The following BTNL9 variants were observed in gnomAD, a reference collection of about 807,000 sequenced individuals.
BTNL9 encodes butyrophilin-like protein 9.
A neutral mutation model predicts 45.8 loss-of-function variants in BTNL9; 45 were observed. The ratio of observed to expected loss-of-function variants is 0.98; its 90% CI spans 0.77 to 1.26. BTNL9 has a LOEUF of 1.26. Among genes scored for constraint, BTNL9 ranks in the 50% most tolerant of loss-of-function variants. The probability of loss-of-function intolerance (pLI) is 0.00; values close to 1 mark genes in which losing one functional copy is unlikely to be tolerated. For missense variants in BTNL9, 784 were observed against 729.7 expected (o/e 1.07, Z -0.86); for synonymous variants, 346 against 330.8 (o/e 1.05, Z -0.50).
Position 181,055,258 on chromosome 5 carries a change from G to C in BTNL9, c.908-175G>C. ...TAGGATGAGGCATAAGAGTCCTGCA[G>C]ATGGGCCTCTTTTTGAGGGCAATGA... On this transcript the variant is annotated intron_variant, in intron 7 of 10. Transcript: ENST00000327705. The surrounding 1 kb of genome is among the most constrained non-coding windows in gnomAD (Gnocchi z 4.4). 6.8e-7 allele frequency: 1 copy of C among 1,480,318 alleles called. No homozygotes were observed. Among genetic ancestry groups the C allele is most frequent in the Non-Finnish European group, 8.9e-7 (1 of 1,120,142 alleles). 91.7% of individuals were successfully genotyped at this position (1,480,318 alleles called of 1,614,324 possible).
chr5:181,059,503 G>A lies in BTNL9; in HGVS notation c.1249G>A (p.Ala417Thr), dbSNP rs746436109. Residue 417 changes from alanine (A) to threonine (T), a missense_variant, in exon 11 of 11, where the codon GCC (alanine) becomes ACC (threonine). Ala to Thr is a moderately conservative substitution (Grantham distance 58). Transcript: ENST00000327705. ...RAGPARLSPA[A>T]GYWVLGLWNG... ...GGGGCCTGCGCGCCTGAGCCCTGCGGCCGGCTACTGGGTGCTGGGGCTGTG... is the reference window on the plus strand; with the variant it reads ...GGGGCCTGCGCGCCTGAGCCCTGCGACCGGCTACTGGGTGCTGGGGCTGTG... The A allele has an allele frequency of 1.0e-5, 16 of 1,577,970 alleles. No homozygotes were observed. The African/African-American group carries it at 1.2e-4, about 12-fold the overall frequency.
intron 10 of BTNL9, 129 bp from the exon 11 acceptor site, chr5:181,059,107 AG>A (rs1303307180): frequency 1.5e-6 from 2 of 1,378,038 alleles, no homozygotes; most frequent in South Asian, 1.6e-5. Flanking sequence ...TGCAGGGGTG[AG>A]GGTCGGGGTA....
At chr5:181,045,899 C>A (rs1289356994) in intron 2 of BTNL9, among the ~76,000 whole-genome samples, 3 of 72,310 alleles carry the variant, frequency 4.1e-5, no homozygotes, top group Non-Finnish European at 8.6e-5. Flanking sequence ...CCGACACCTC[C>A]TCCACCATCT....
chr5:181,055,544 T>C lies in BTNL9; in HGVS notation c.928+91T>C. 6.9e-7 allele frequency: 1 copy of C among 1,453,768 alleles called. No individual in the cohort carries two copies. Among genetic ancestry groups the C allele is most frequent in the Non-Finnish European group, 9.6e-7 (1 of 1,038,332 alleles). 90.1% of individuals were successfully genotyped at this position (1,453,768 alleles called of 1,614,324 possible). On this transcript the variant is annotated intron_variant, in intron 8 of 10. Coordinates refer to ENST00000327705, the MANE Select transcript of BTNL9 (RefSeq NM_152547.5). This position sits in a 1 kb window ranked among gnomAD's most constrained non-coding sequence, Gnocchi z 4.4. Reference sequence around the variant, plus strand: ...CAGTACTTTGGGAGGCCGAGGCGGGTGGATCACGAGGTCAGGAGATCGAGA... The same window carrying C: ...CAGTACTTTGGGAGGCCGAGGCGGGCGGATCACGAGGTCAGGAGATCGAGA...
At chr5:181,058,918 C>A (rs1244503387) in intron 10 of BTNL9, among the ~76,000 whole-genome samples, 1 of 152,088 alleles carries the variant, frequency 6.6e-6, no homozygotes, top group African/African-American at 2.4e-5. Flanking sequence ...GAACTAGAAC[C>A]AGCCCATAGG....
intron 4 of BTNL9, among the ~76,000 whole-genome samples, chr5:181,051,319 G>C (rs1226270599): frequency 6.6e-6 from 1 of 152,002 alleles, no homozygotes; most frequent in Non-Finnish European, 1.5e-5. Context: ...CCCAACATAC[G>C]GGCCACTTTT....
Position 181,053,589 on chromosome 5 carries a change from T to G in BTNL9, c.886+88T>G. Reference sequence around the variant, plus strand: ...AGGCTGTGGGTCCCGTTACGAGGGTTTATTCCAGCGCGAGGTGTCAGGGCG... The same window carrying G: ...AGGCTGTGGGTCCCGTTACGAGGGTGTATTCCAGCGCGAGGTGTCAGGGCG... On this transcript the variant is annotated intron_variant, in intron 6 of 10. Coordinates refer to ENST00000327705, the MANE Select transcript of BTNL9 (RefSeq NM_152547.5). This position sits in a 1 kb window ranked among gnomAD's most constrained non-coding sequence, Gnocchi z 6.5. 6.5e-7 allele frequency: 1 copy of G among 1,549,970 alleles called. No homozygotes were observed. Among genetic ancestry groups the G allele is most frequent in the South Asian group, 1.2e-5 (1 of 84,026 alleles).
intron 2 of BTNL9, 122 bp downstream of exon 2, chr5:181,045,720 T>C: frequency 4.0e-6 from 3 of 755,386 alleles, no homozygotes; most frequent in Non-Finnish European, 6.7e-6. Flanking sequence ...CAAAAAAGAC[T>C]TCCATCCTGG....
chr5:181,054,205 C>G (rs748829862), intron 6 of BTNL9, 34 bp from the exon 7 acceptor site: 1 of 1,613,064 alleles, frequency 6.2e-7, no homozygotes, highest in Admixed American at 1.7e-5. Context: ...AGTCTTTCCC[C>G]TTTTCTTCAT....
At chr5:181,056,881 A>G in intron 9 of BTNL9, 1 of 446,484 alleles carries the variant, frequency 2.2e-6, no homozygotes, top group Non-Finnish European at 4.0e-6. Context: ...TGCTGAGAAG[A>G]TTGAGCATCT....
At chr5:181,058,536 C>G (rs1054183217) in intron 10 of BTNL9, among the ~76,000 whole-genome samples, 158 bp downstream of exon 10, 2 of 152,274 alleles carry the variant, frequency 1.3e-5, no homozygotes, top group East Asian at 3.9e-4. Flanking sequence ...ACACGCCACA[C>G]GACACATATG....
chr5:181,048,464 T>C (rs1025455206), intron 3 of BTNL9, among the ~76,000 whole-genome samples, 193 bp downstream of exon 3: 1 of 151,842 alleles, frequency 6.6e-6, no homozygotes, highest in African/African-American at 2.4e-5. Flanking sequence ...CCCTTAAATA[T>C]ATGAAAAGGG....
intron 7 of BTNL9, chr5:181,054,616 T>C (rs1298470711): frequency 2.0e-6 from 2 of 985,290 alleles, no homozygotes; most frequent in Non-Finnish European, 2.4e-6. Context: ...AAAATGGAAA[T>C]AATTTCTCAG....
Position 181,054,260 on chromosome 5 carries a change from GT to G in BTNL9, c.907+2del, listed in dbSNP as rs1761757321. On this transcript the variant is annotated splice_donor_variant, in intron 7 of 10. Coordinates refer to ENST00000327705, the MANE Select transcript of BTNL9 (RefSeq NM_152547.5). LOFTEE classifies it high-confidence loss of function. ...CTAGAGAAACTCACTGCAGAGCTGGGTAAGTTCTGGGTGCGGGGCCACAGTG... is the reference window on the plus strand; with the variant it reads ...CTAGAGAAACTCACTGCAGAGCTGGGAAGTTCTGGGTGCGGGGCCACAGTG... 6.2e-7 allele frequency: 1 copy of G among 1,611,300 alleles called. No individual in the cohort carries two copies. Among genetic ancestry groups the G allele is most frequent in the South Asian group, 1.1e-5 (1 of 90,952 alleles).
Position 181,053,107 on chromosome 5 carries a change from G to A in BTNL9, c.737-93G>A. ...CGGTGGCGCCCGGAGAAGGTCCCGCGGGAGGTTTCCCGGCACGCGGCGGGC... is the reference window on the plus strand; with the variant it reads ...CGGTGGCGCCCGGAGAAGGTCCCGCAGGAGGTTTCCCGGCACGCGGCGGGC... On this transcript the variant is annotated intron_variant, in intron 4 of 10. Transcript: ENST00000327705. This position sits in a 1 kb window ranked among gnomAD's most constrained non-coding sequence, Gnocchi z 6.5. The A allele has an allele frequency of 8.9e-7, 1 of 1,119,118 alleles. No individual in the cohort carries two copies. Among genetic ancestry groups the A allele is most frequent in the Non-Finnish European group, 1.3e-6 (1 of 797,956 alleles). 69.3% of individuals were successfully genotyped at this position (1,119,118 alleles called of 1,614,324 possible).
At chr5:181,046,468 C>A (rs75574444) in intron 2 of BTNL9, among the ~76,000 whole-genome samples, 9,673 of 152,220 alleles carry the variant, frequency 0.064, 395 homozygotes, top group Middle Eastern at 0.13. Context: ...AATTTTACCC[C>A]TTGCAAATCT....
intron 1 of BTNL9, among the ~76,000 whole-genome samples, chr5:181,041,128 C>A (rs1172825480): frequency 6.6e-6 from 1 of 152,208 alleles, no homozygotes; most frequent in Non-Finnish European, 1.5e-5. Context: ...ATAACGTGGT[C>A]ATTTAAGTGT....
chr5:181,053,710 G>A lies in BTNL9; in HGVS notation c.886+209G>A, dbSNP rs1761711482. ...GGTGCGGAACGGCTGCATTTTCCAC[G>A]GAGGCTAGTGCACAGATGTCAGGGT... On this transcript the variant is annotated intron_variant, in intron 6 of 10. Coordinates refer to ENST00000327705, the MANE Select transcript of BTNL9 (RefSeq NM_152547.5). This position sits in a 1 kb window ranked among gnomAD's most constrained non-coding sequence, Gnocchi z 6.5. The A allele has an allele frequency of 4.0e-6, 6 of 1,509,662 alleles. No homozygotes were observed. The African/African-American group carries it at 4.2e-5, about 10-fold the overall frequency. 93.5% of individuals were successfully genotyped at this position (1,509,662 alleles called of 1,614,324 possible).
chr5:181,056,570 G>A, intron 9 of BTNL9: 1 of 717,522 alleles, frequency 1.4e-6, no homozygotes. Flanking sequence ...CCCTCCTGGA[G>A]AAGGTATCCA....
Sources: gnomAD v4.1 joint callset for allele counts (sites outside exome capture counted in the v4.1 genomes callset) on GRCh38, gnomAD v4.1.1 for gene constraint, Gnocchi (gnomAD v3.1) non-coding constraint, MANE v1.5 for transcripts, NCBI Gene and HGNC (gene_info 2026-07-23, HGNC 2026-07-21) for gene names.